The following ADAMTSL3 variants were observed in gnomAD, a reference collection of about 807,000 sequenced individuals.
ADAMTSL3 encodes the protein ADAMTS like 3.
ADAMTSL3 carries 128 observed loss-of-function variants against 201.7 expected under a neutral mutation model. That is an observed-to-expected ratio of 0.63 (90% CI 0.55 to 0.73). The LOEUF is 0.73. ADAMTSL3 is among the 30% of genes least tolerant of loss of function. The probability of loss-of-function intolerance (pLI) is 0.00; values close to 1 mark genes in which losing one functional copy is unlikely to be tolerated. For synonymous variants in ADAMTSL3, 738 were observed against 748.4 expected, an observed-to-expected ratio of 0.99 and a Z score of 0.23; for missense variants, 1,990 against 2,119.6, an observed-to-expected ratio of 0.94 and a Z score of 1.20.
intron 7 of ADAMTSL3, among the ~76,000 whole-genome samples, chr15:83,843,375 T>C (rs1285763438): frequency 6.6e-6 from 1 of 152,160 alleles, no homozygotes; most frequent in East Asian, 1.9e-4. Context: ...TCAGGTTCCG[T>C]ATGCATGCGC....
chr15:83,953,507 G>A (rs543587942), intron 19 of ADAMTSL3, among the ~76,000 whole-genome samples: 1 of 152,046 alleles, frequency 6.6e-6, no homozygotes, highest in Non-Finnish European at 1.5e-5. Flanking sequence ...CTTGAAAGTT[G>A]TTGTATTTAT....
chr15:83,754,029 T>G (rs1247068519), intron 3 of ADAMTSL3, among the ~76,000 whole-genome samples: 1 of 152,256 alleles, frequency 6.6e-6, no homozygotes, highest in Non-Finnish European at 1.5e-5. Flanking sequence ...ACACATCCTC[T>G]AGAAAGAACA....
chr15:83,920,858 A>G (rs775225275), intron 16 of ADAMTSL3, among the ~76,000 whole-genome samples: 14 of 152,192 alleles, frequency 9.2e-5, no homozygotes, highest in Non-Finnish European at 1.8e-4. Context: ...TAGTTCCTAC[A>G]ACTCTCTAAA....
chr15:83,926,113 CG>C (rs2066241455), intron 17 of ADAMTSL3, among the ~76,000 whole-genome samples: 1 of 152,044 alleles, frequency 6.6e-6, no homozygotes, highest in Non-Finnish European at 1.5e-5. Context: ...GCAGGGAAGC[CG>C]GGGAGGTTGG....
Position 84,036,865 on chromosome 15 carries a change from G to T in ADAMTSL3, c.4847G>T (p.Gly1616Val). The change falls in exon 29 of 30, where the codon GGT becomes GTT. Residue 1616 changes from glycine (G) to valine (V), a missense_variant. By Grantham distance (109) the Gly-to-Val change is moderately radical (BLOSUM62 -3). Coordinates refer to ENST00000286744, the MANE Select transcript of ADAMTSL3 (RefSeq NM_207517.3). ...WKPCTAACGR[G>V]FQSRKVDCIH... is the part of the protein sequence containing the mutation. ...CCCTGTACAGCAGCCTGTGGCAGGGGTTTCCAGTCTCGGAAAGTCGACTGT... is the reference window on the plus strand; with the variant it reads ...CCCTGTACAGCAGCCTGTGGCAGGGTTTTCCAGTCTCGGAAAGTCGACTGT... The T allele has an allele frequency of 8.1e-6, 13 of 1,614,118 alleles. No individual in the cohort carries two copies. Among genetic ancestry groups the T allele is most frequent in the Admixed American group, 5.0e-5 (3 of 60,006 alleles).
At chr15:83,659,205 A>T (rs2061131731) in intron 2 of ADAMTSL3, among the ~76,000 whole-genome samples, 1 of 152,212 alleles carries the variant, frequency 6.6e-6, no homozygotes, top group Non-Finnish European at 1.5e-5. Context: ...ATAGATATCT[A>T]CTGGAACAGA....
At chr15:83,823,061 G>T (rs573394664) in intron 6 of ADAMTSL3, among the ~76,000 whole-genome samples, 1 of 151,764 alleles carries the variant, frequency 6.6e-6, no homozygotes, top group African/African-American at 2.4e-5. Flanking sequence ...CAGGCGTGGC[G>T]GCGCGCGCCT....
intron 3 of ADAMTSL3, among the ~76,000 whole-genome samples, chr15:83,727,987 A>G (rs961459339): frequency 4.6e-5 from 7 of 151,804 alleles, no homozygotes. Context: ...TATTATTGTT[A>G]TTGGAATCTA....
chr15:83,755,385 T>G (rs2062703745), intron 3 of ADAMTSL3, among the ~76,000 whole-genome samples: 1 of 152,200 alleles, frequency 6.6e-6, no homozygotes, highest in Admixed American at 6.5e-5. Flanking sequence ...CTTGCAAAAC[T>G]GAACCTACTG....
At chr15:83,965,026 T>C (rs892118602) in intron 19 of ADAMTSL3, among the ~76,000 whole-genome samples, 2 of 152,110 alleles carry the variant, frequency 1.3e-5, no homozygotes, top group African/African-American at 4.8e-5. Context: ...AAGGAAGCAC[T>C]AAACATGGAA....
At chr15:83,772,407 A>G (rs1032591336) in intron 3 of ADAMTSL3, among the ~76,000 whole-genome samples, 5 of 152,222 alleles carry the variant, frequency 3.3e-5, no homozygotes, top group African/African-American at 9.7e-5. Context: ...TTTCAGGTCT[A>G]TACCTACATC....
intron 19 of ADAMTSL3, among the ~76,000 whole-genome samples, chr15:83,948,895 A>G (rs2066708469): frequency 6.6e-6 from 1 of 151,938 alleles, no homozygotes; most frequent in South Asian, 2.1e-4. Flanking sequence ...TATATAGTAA[A>G]TATATATTTT....
chr15:83,915,382 G>C (rs2030840), intron 16 of ADAMTSL3, among the ~76,000 whole-genome samples: 95,235 of 151,864 alleles, frequency 0.63, 30,943 homozygotes, highest in African/African-American at 0.79. Context: ...TGCTGTCAGA[G>C]CTCATTTTTG....
At chr15:83,883,651 A>C (rs1248037080) in intron 9 of ADAMTSL3, among the ~76,000 whole-genome samples, 1 of 149,774 alleles carries the variant, frequency 6.7e-6, no homozygotes, top group Non-Finnish European at 1.5e-5. Flanking sequence ...AAACTCCTGG[A>C]CTCAAGGTGT....
intron 3 of ADAMTSL3, among the ~76,000 whole-genome samples, chr15:83,741,270 G>A (rs146560155): frequency 4.0e-5 from 6 of 151,412 alleles, no homozygotes; most frequent in Admixed American, 3.9e-4. Flanking sequence ...ATCCCACAGG[G>A]TGTTTTTTCT....
At chr15:83,655,694 A>C (rs147640879) in intron 1 of ADAMTSL3, 35 bp from the exon 2 acceptor site, 10 of 1,504,706 alleles carry the variant, frequency 6.6e-6, no homozygotes, top group South Asian at 2.3e-5. Flanking sequence ...TGGGGGCCAG[A>C]GCTGGTTGGT....
At chr15:83,686,977 G>T (rs1239979160) in intron 2 of ADAMTSL3, among the ~76,000 whole-genome samples, 1 of 152,100 alleles carries the variant, frequency 6.6e-6, no homozygotes, top group Non-Finnish European at 1.5e-5. Context: ...GACTACTTGA[G>T]TTGAGGAGTT....
chr15:83,989,368 G>A (rs549977281), intron 22 of ADAMTSL3, among the ~76,000 whole-genome samples: 15 of 152,112 alleles, frequency 9.9e-5, no homozygotes, highest in East Asian at 1.9e-4. Flanking sequence ...CAATGCTGCC[G>A]GTCTGAGGAC....
intron 2 of ADAMTSL3, among the ~76,000 whole-genome samples, chr15:83,660,956 G>C (rs2061154082): frequency 6.8e-6 from 1 of 147,220 alleles, no homozygotes; most frequent in African/African-American, 2.5e-5. Context: ...ATTGATTTTT[G>C]TATAAGGTGT....
Sources: gnomAD v4.1 joint callset for allele counts (sites outside exome capture counted in the v4.1 genomes callset) on GRCh38, gnomAD v4.1.1 for gene constraint, MANE v1.5 for transcripts, NCBI Gene and HGNC (gene_info 2026-07-23, HGNC 2026-07-21) for gene names.